The following CHRNA6 variants were observed in gnomAD, a reference collection of about 807,000 sequenced individuals.
The protein encoded by CHRNA6 is neuronal acetylcholine receptor subunit alpha-6.
A neutral mutation model predicts 40.9 loss-of-function variants in CHRNA6; 31 were observed. That is an observed-to-expected ratio of 0.76 (90% CI 0.57 to 1.02). The LOEUF (loss-of-function observed/expected upper bound fraction) is 1.02. Among genes scored for constraint, CHRNA6 ranks in the 50% least tolerant of loss-of-function variants. The pLI is 0.00. For missense variants in CHRNA6, 546 were observed against 596.6 expected, an observed-to-expected ratio of 0.92 and a Z score of 0.88; for synonymous variants, 222 against 221.3, an observed-to-expected ratio of 1.00 and a Z score of -0.03.
chr8:42,756,988 A>G lies in CHRNA6; in HGVS notation c.314T>C (p.Ile105Thr), dbSNP rs201382342. 3 of 1,613,836 alleles carry G rather than the reference A, an allele frequency of 1.9e-6. No individual in the cohort carries two copies. The highest frequency in any genetic ancestry group is 2.5e-6 in the Non-Finnish European group (3 of 1,179,790). ...LRWDPMEYDGIETLRVPADKI... is the reference protein window; with the variant it reads ...LRWDPMEYDGTETLRVPADKI... ...ATCTGCAGGAACGCGAAGAGTCTCA[A>G]TGCCATCATATTCCATTGGATCCCA... The change falls in exon 4 of 6, where the codon ATT (isoleucine) becomes ACT (threonine). Residue 105 changes from isoleucine (I) to threonine (T), a missense_variant. This residue lies in a region of CHRNA6 where 476 missense variants were observed against 494.5 expected (regional missense o/e 0.96). Coordinates refer to ENST00000276410, the MANE Select transcript of CHRNA6 (RefSeq NM_004198.3).
chr8:42,765,256 T>G (rs1185646191), intron 1 of CHRNA6, 52 bp from the exon 2 acceptor site: 1 of 1,596,914 alleles, frequency 6.3e-7, no homozygotes, highest in Non-Finnish European at 8.6e-7. Context: ...CACTGGCCAC[T>G]GCAGCGATTC....
At chr8:42,753,350 CA>C in intron 5 of CHRNA6, 40 bp from the exon 6 acceptor site, 1 of 1,570,690 alleles carries the variant, frequency 6.4e-7, no homozygotes, top group Non-Finnish European at 8.6e-7. Context: ...TTTAAAAAAC[CA>C]AAACCATAAG....
In CHRNA6 at chr8:42,755,921, CG is replaced by C; in HGVS notation, c.1277del (p.Ser426CysfsTer7). ...TGTTAATCACATCTTCAACTTCAGG[CG>C]AGTGCTCCGAATTTTCCACCACCCA... ...LQWVVENSEH[S>X]PEVEDVINSV... On this transcript the variant is annotated frameshift_variant, in exon 5 of 6. Coordinates refer to ENST00000276410, the MANE Select transcript of CHRNA6 (RefSeq NM_004198.3). LOFTEE classifies it high-confidence loss of function. 1 of 1,614,204 alleles carries C rather than the reference CG, an allele frequency of 6.2e-7. No individual in the cohort carries two copies. The highest frequency in any genetic ancestry group is 8.5e-7 in the Non-Finnish European group (1 of 1,180,016).
At position 42,755,833 on chromosome 8, in the gene CHRNA6, AAC is replaced by A. The variant is rs777697212; in HGVS notation, c.1353+11_1353+12del. 3.7e-6 allele frequency: 6 copies of A among 1,606,616 alleles called. No homozygotes were observed. The South Asian group carries it at 5.6e-5, about 15-fold the overall frequency. ...GGGTGCAAGCTGGCTGGGTGGAGGG[AAC>A]ACACATTTACCTCCTTGGTTTCATT... is the stretch of plus-strand genomic sequence containing the variant. On this transcript the variant is annotated intron_variant, in intron 5 of 5. Transcript: ENST00000276410.
At chr8:42,757,367 T>C (rs965684045) in intron 3 of CHRNA6, among the ~76,000 whole-genome samples, 2 of 147,776 alleles carry the variant, frequency 1.4e-5, no homozygotes, top group Admixed American at 1.4e-4. Flanking sequence ...AAAAAAAAAA[T>C]GTGTTTCTTA....
Position 42,756,260 on chromosome 8 carries a change from A to G in CHRNA6, c.939T>C (p.Phe313=). 6.2e-7 allele frequency: 1 copy of G among 1,614,260 alleles called. No homozygotes were observed. Among genetic ancestry groups the G allele is most frequent in the Non-Finnish European group, 8.5e-7 (1 of 1,180,034 alleles). The change falls in exon 5 of 6, where the codon TTT becomes TTC. Residue 313 remains phenylalanine (F), a synonymous_variant. Transcript: ENST00000276410. ...VGEYLLFTMI[F]VTLSIVVTVF... ...CAGTCACCACGATGGACAGTGTGAC[A>G]AAGATCATGGTGAACAGCAGGTACT...
intron 2 of CHRNA6, among the ~76,000 whole-genome samples, chr8:42,759,953 G>GCTA (rs1346944809): frequency 6.6e-6 from 1 of 150,878 alleles, no homozygotes; most frequent in Non-Finnish European, 1.5e-5. Context: ...GCTGGCAGCT[G>GCTA]CTACTCACCC....
intron 3 of CHRNA6, among the ~76,000 whole-genome samples, chr8:42,758,051 C>CAA: frequency 7.0e-6 from 1 of 142,758 alleles, no homozygotes; most frequent in South Asian, 2.2e-4. Context: ...AACCAAAAAA[C>CAA]AAAAAAAAAA....
At chr8:42,757,895 C>T (rs1181966862) in intron 3 of CHRNA6, among the ~76,000 whole-genome samples, 3 of 151,352 alleles carry the variant, frequency 2.0e-5, no homozygotes, top group South Asian at 4.2e-4. Flanking sequence ...ATTAGCCGGG[C>T]GTGGTGGCGG....
chr8:42,757,715 G>C (rs527933323), intron 3 of CHRNA6, among the ~76,000 whole-genome samples: 256 of 99,434 alleles, frequency 2.6e-3, no homozygotes, highest in Non-Finnish European at 3.7e-3. Context: ...CCTAGGCGAC[G>C]GACCGGGACT....
chr8:42,768,242 T>G (rs562767675), intron 1 of CHRNA6, 110 bp downstream of exon 1: 1 of 837,198 alleles, frequency 1.2e-6, no homozygotes, highest in South Asian at 1.7e-5. Context: ...GTGGCTCCTA[T>G]GCAGACCATA....
intron 5 of CHRNA6, among the ~76,000 whole-genome samples, chr8:42,754,000 T>C (rs1282420234): frequency 1.3e-5 from 2 of 152,066 alleles, no homozygotes; most frequent in Non-Finnish European, 2.9e-5. Context: ...TGGAGGGGTA[T>C]GATTGAGAAC....
chr8:42,765,773 C>T (rs553607993), intron 1 of CHRNA6, among the ~76,000 whole-genome samples: 19 of 152,296 alleles, frequency 1.2e-4, no homozygotes, highest in African/African-American at 2.6e-4. Flanking sequence ...TGAACAGACA[C>T]TTCTCAAAAG....
At chr8:42,761,338 C>A (rs985352330) in intron 2 of CHRNA6, among the ~76,000 whole-genome samples, 1 of 152,220 alleles carries the variant, frequency 6.6e-6, no homozygotes, top group African/African-American at 2.4e-5. Flanking sequence ...TGGTAATGAG[C>A]GTCCCCTTGC....
intron 2 of CHRNA6, among the ~76,000 whole-genome samples, chr8:42,764,105 G>T (rs559411503): frequency 6.6e-6 from 1 of 152,196 alleles, no homozygotes; most frequent in South Asian, 2.1e-4. Flanking sequence ...CCTAGAATTT[G>T]GTCTGAGCCC....
Position 42,756,978 on chromosome 8 carries a change from A to G in CHRNA6, c.324T>C (p.Leu108=), listed in dbSNP as rs1010843599. ...TCCAAATCTTATCTGCAGGAACGCGAAGAGTCTCAATGCCATCATATTCCA... is the reference window on the plus strand; with the variant it reads ...TCCAAATCTTATCTGCAGGAACGCGGAGAGTCTCAATGCCATCATATTCCA... ...DPMEYDGIET[L]RVPADKIWKP... Residue 108 remains leucine, a synonymous_variant, in exon 4 of 6, where the codon CTT becomes CTC. Transcript: ENST00000276410. The G allele has an allele frequency of 6.8e-6, 11 of 1,613,990 alleles. No individual in the cohort carries two copies. Among genetic ancestry groups the G allele is most frequent in the Non-Finnish European group, 9.3e-6 (11 of 1,179,926 alleles).
At chr8:42,761,978 C>A (rs1816911458) in intron 2 of CHRNA6, among the ~76,000 whole-genome samples, 1 of 152,208 alleles carries the variant, frequency 6.6e-6, no homozygotes, top group South Asian at 2.1e-4. Flanking sequence ...AACACTGGAT[C>A]CCTCCGAGGG....
At position 42,765,224 on chromosome 8, in the gene CHRNA6, G is replaced by C. The variant is rs1295317475; in HGVS notation, c.80-20C>G. 56 of 1,611,994 alleles carry C rather than the reference G, an allele frequency of 3.5e-5. No individual in the cohort carries two copies. The highest frequency in any genetic ancestry group is 4.3e-5 in the Non-Finnish European group (51 of 1,178,806). ...CACAGCCTGTGAGGCCAAACAAAGG[G>C]GAGAGTTAGAGCCAGCCCGGCCACT... On this transcript the variant is annotated intron_variant, in intron 1 of 5. Coordinates refer to ENST00000276410, the MANE Select transcript of CHRNA6 (RefSeq NM_004198.3).
chr8:42,759,394 C>A, intron 2 of CHRNA6: 4 of 336,382 alleles, frequency 1.2e-5, no homozygotes, highest in Non-Finnish European at 2.3e-5. Context: ...CTCTGCAGCC[C>A]ATAAAGGTTT....
Sources: allele counts gnomAD v4.1 joint callset (sites outside exome capture counted in the v4.1 genomes callset), GRCh38; gene constraint gnomAD v4.1.1; regional missense constraint gnomAD v4.1.1; transcripts MANE v1.5; gene names NCBI Gene and HGNC (gene_info 2026-07-23, HGNC 2026-07-21).